The following SYT1 variants were observed in gnomAD, a reference collection of about 807,000 sequenced individuals.
The protein encoded by SYT1 is synaptotagmin-1.
A neutral mutation model predicts 44.8 loss-of-function variants in SYT1; 8 were observed. The observed-to-expected ratio is 0.18, with a 90% CI of 0.10 to 0.32. The LOEUF (loss-of-function observed/expected upper bound fraction) is 0.32. Among genes scored for constraint, SYT1 ranks in the 10% least tolerant of loss-of-function variants. The pLI, the probability that SYT1 is intolerant of heterozygous loss-of-function variation, is 1.00. For synonymous variants in SYT1, 154 were observed against 188.8 expected (o/e 0.82, Z 1.51); for missense variants, 286 against 509.3 (o/e 0.56, Z 4.22).
chr12:78,964,681 G>T (rs1451336608), intron 1 of SYT1, among the ~76,000 whole-genome samples: 1 of 152,118 alleles, frequency 6.6e-6, no homozygotes, highest in Non-Finnish European at 1.5e-5. Flanking sequence ...TAAAGTAAAA[G>T]AATTCCTGTA....
chr12:79,088,778 G>GTGTA (rs1300374187), intron 3 of SYT1, among the ~76,000 whole-genome samples: 1 of 139,998 alleles, frequency 7.1e-6, no homozygotes, highest in South Asian at 2.6e-4. Context: ...GTGTGTGTGT[G>GTGTA]TATGTGTGTG....
intron 2 of SYT1, among the ~76,000 whole-genome samples, chr12:78,996,822 A>C (rs1227333655): frequency 6.6e-6 from 1 of 152,232 alleles, no homozygotes; most frequent in African/African-American, 2.4e-5. Flanking sequence ...TGGGAAATGC[A>C]GTGCTTTAAA....
chr12:78,961,270 AT>A (rs1879486206), intron 1 of SYT1, among the ~76,000 whole-genome samples: 1 of 151,722 alleles, frequency 6.6e-6, no homozygotes, highest in South Asian at 2.1e-4. Context: ...CCACTGGCTA[AT>A]TTTTTGAATT....
chr12:79,075,717 C>T (rs1371082655), intron 3 of SYT1, among the ~76,000 whole-genome samples: 2 of 152,050 alleles, frequency 1.3e-5, no homozygotes, highest in African/African-American at 4.8e-5. Context: ...TAGCAGATGC[C>T]CTTCTCTTTA....
chr12:79,264,512 A>G (rs1331956422), intron 4 of SYT1, among the ~76,000 whole-genome samples: 2 of 152,232 alleles, frequency 1.3e-5, no homozygotes, highest in Non-Finnish European at 2.9e-5. Context: ...TACTTGGCCA[A>G]TTTTGAAGGA....
In SYT1 at chr12:79,435,146, G is replaced by A. The variant is rs534468400; in HGVS notation, c.929-8927G>A. ...GGTATAGTGTGATGATATAAGACTT[G>A]TAGCTGGTGCAGTCATTTGCATCCA... On this transcript the variant is annotated intron_variant, in intron 9 of 10. Coordinates refer to ENST00000261205, the MANE Select transcript of SYT1 (RefSeq NM_005639.3). 1.1e-4 allele frequency among the ~76,000 whole-genome samples: 16 copies of A among 152,200 alleles called. 1 individual carries two copies. The South Asian group carries it at 2.9e-3, about 28-fold the overall frequency.
chr12:79,311,492 A>G (rs548944640), intron 8 of SYT1, among the ~76,000 whole-genome samples: 52 of 142,088 alleles, frequency 3.7e-4, no homozygotes, highest in Non-Finnish European at 7.0e-4. Context: ...TAGAAATACC[A>G]TTTGACCCAG....
chr12:78,906,092 T>C (rs984709415), intron 1 of SYT1, among the ~76,000 whole-genome samples: 1 of 152,052 alleles, frequency 6.6e-6, no homozygotes, highest in African/African-American at 2.4e-5. Flanking sequence ...ATGGAATATA[T>C]AAATATAAAG....
chr12:79,025,404 C>T (rs1322154893), intron 2 of SYT1, among the ~76,000 whole-genome samples: 1 of 151,632 alleles, frequency 6.6e-6, no homozygotes, highest in Non-Finnish European at 1.5e-5. Flanking sequence ...GGAAATGATG[C>T]TTAAATTATA....
At chr12:79,092,618 T>C (rs1877854090) in intron 3 of SYT1, among the ~76,000 whole-genome samples, 1 of 151,842 alleles carries the variant, frequency 6.6e-6, no homozygotes, top group Non-Finnish European at 1.5e-5. Context: ...ATAATTCTTA[T>C]TCTGCTTGAT....
intron 2 of SYT1, among the ~76,000 whole-genome samples, chr12:78,997,725 C>CGG (rs1463846789): frequency 1.3e-5 from 2 of 149,192 alleles, no homozygotes; most frequent in Non-Finnish European, 3.0e-5. Flanking sequence ...GATGAGATGA[C>CGG]GGGTAGGAAA....
chr12:78,924,151 G>T (rs901638816), intron 1 of SYT1, among the ~76,000 whole-genome samples: 1 of 151,854 alleles, frequency 6.6e-6, no homozygotes, highest in East Asian at 1.9e-4. Context: ...CAGAAGTGAT[G>T]ATGTGTCTTT....
chr12:79,067,026 C>A (rs763951621), intron 3 of SYT1, among the ~76,000 whole-genome samples: 3 of 152,164 alleles, frequency 2.0e-5, no homozygotes, highest in African/African-American at 7.2e-5. Flanking sequence ...ACTATAATTG[C>A]CTCCACGCAG....
In SYT1 at chr12:79,285,827, C is replaced by A; in HGVS notation, c.207C>A (p.Val69=). ...TAATTGCAATAGCCATAGTCGCAGT[C>A]CTTTTAGTCCTGACCTGCTGCTTTT... ...WALIAIAIVA[V]LLVLTCCFCI... is the part of the protein sequence containing the mutation. Residue 69 remains valine, a synonymous_variant, in exon 5 of 11, where the codon GTC becomes GTA. Transcript: ENST00000261205. The A allele has an allele frequency of 1.2e-6, 2 of 1,611,520 alleles. No individual in the cohort carries two copies.
At chr12:79,084,716 A>T (rs1219820979) in intron 3 of SYT1, among the ~76,000 whole-genome samples, 1 of 152,200 alleles carries the variant, frequency 6.6e-6, no homozygotes, top group East Asian at 1.9e-4. Flanking sequence ...AGTGTAATAT[A>T]TCAATTATAT....
At chr12:78,888,548 T>G (rs1033554887) in intron 1 of SYT1, among the ~76,000 whole-genome samples, 1 of 151,956 alleles carries the variant, frequency 6.6e-6, no homozygotes. Flanking sequence ...TTTAGCACCG[T>G]GCTGGACACT....
intron 8 of SYT1, among the ~76,000 whole-genome samples, chr12:79,323,948 C>CTTTTTTTTTTTT (rs56962075): frequency 8.9e-6 from 1 of 112,628 alleles, no homozygotes; most frequent in Non-Finnish European, 1.8e-5. Context: ...TTTCTATTTT[C>CTTTTTTTTTTTT]TTTTTTTTTT....
rs1884440603 is a variant in SYT1 at position 79,386,493 on chromosome 12, C to G, written c.928+32874C>G. Among the ~76,000 whole-genome samples, 3 of 151,954 alleles carry G rather than the reference C, an allele frequency of 2.0e-5. No homozygotes were observed. In the South Asian group the frequency reaches 6.2e-4, roughly 32 times the overall value. On this transcript the variant is annotated intron_variant, in intron 9 of 10. Transcript: ENST00000261205. ...ATTAGGTATTTCTCTTAATGCTATC[C>G]CTCTCCTAGCCCCCCAACCCCCACA... is the stretch of plus-strand genomic sequence containing the variant.
chr12:79,355,415 A>G (rs760309573), intron 9 of SYT1, among the ~76,000 whole-genome samples: 1 of 152,216 alleles, frequency 6.6e-6, no homozygotes, highest in Non-Finnish European at 1.5e-5. Context: ...CAGCAAAACC[A>G]TATTAGCTTC....
Sources: gnomAD v4.1 joint callset for allele counts (sites outside exome capture counted in the v4.1 genomes callset) on GRCh38, gnomAD v4.1.1 for gene constraint, MANE v1.5 for transcripts, NCBI Gene and HGNC (gene_info 2026-07-23, HGNC 2026-07-21) for gene names.